Variants in ADAM23 observed in about 807,000 individuals in gnomAD.
ADAM23 encodes disintegrin and metalloproteinase domain-containing protein 23.
In ADAM23, 33 loss-of-function variants were observed where a neutral mutation model predicts 120.1. The ratio of observed to expected loss-of-function variants is 0.27; its 90% CI spans 0.21 to 0.37. The LOEUF is 0.37. Ranked by LOEUF, ADAM23 falls within the 10% of genes least tolerant of loss-of-function variation. The pLI, the probability that ADAM23 is intolerant of heterozygous loss-of-function variation, is 1.00. For synonymous variants in ADAM23, 367 were observed against 375.2 expected (o/e 0.98, Z 0.25); for missense variants, 862 against 1,058.2 (o/e 0.81, Z 2.57).
chr2:206,607,170 A>T (rs976692537), intron 24 of ADAM23: 4 of 152,212 alleles, frequency 2.6e-5, no homozygotes, highest in Non-Finnish European at 5.9e-5. Flanking sequence ...ATCTCTATGG[A>T]CTGTGAAGCT....
rs993015884 is a variant in ADAM23 at position 206,619,376 on chromosome 2, A to T, written c.*1749A>T. On this transcript the variant is annotated 3_prime_UTR_variant, in exon 26 of 26. Transcript: ENST00000264377. ...GTCAAGATAGCTTCTGTCACATGTT[A>T]AGTAAATAAGCTGAAGAAATTTGGT... 2 of 152,140 alleles carry T rather than the reference A, an allele frequency of 1.3e-5. No homozygotes were observed. Among genetic ancestry groups the T allele is most frequent in the African/African-American group, 4.8e-5 (2 of 41,420 alleles). The allele number at this position is 152,140 out of a possible 1,614,324, so 9.4% of individuals were successfully genotyped here.
intron 24 of ADAM23, among the ~76,000 whole-genome samples, chr2:206,598,009 C>T (rs927547194): frequency 9.2e-5 from 14 of 152,194 alleles, no homozygotes; most frequent in African/African-American, 3.4e-4. Flanking sequence ...TAATCACACC[C>T]TCACAGTCTA....
chr2:206,589,299 C>A, intron 20 of ADAM23, 110 bp from the exon 21 acceptor site: 1 of 822,630 alleles, frequency 1.2e-6, no homozygotes, highest in Middle Eastern at 2.8e-4. Flanking sequence ...TCAGGATGTT[C>A]TTTTTCCTTG....
intron 15 of ADAM23, among the ~76,000 whole-genome samples, chr2:206,569,785 G>T (rs149145914): frequency 1.3e-5 from 2 of 152,282 alleles, no homozygotes; most frequent in African/African-American, 4.8e-5. Flanking sequence ...TTTGCTTTTC[G>T]TAATAGTTTT....
intron 3 of ADAM23, among the ~76,000 whole-genome samples, chr2:206,520,557 T>G (rs977129976): frequency 2.0e-5 from 3 of 152,186 alleles, no homozygotes; most frequent in African/African-American, 7.2e-5. Flanking sequence ...CTCAGTATCT[T>G]CGGCCGTTAA....
At chr2:206,559,908 T>G in intron 10 of ADAM23, 47 bp from the exon 11 acceptor site, 1 of 1,550,268 alleles carries the variant, frequency 6.5e-7, no homozygotes, top group Non-Finnish European at 8.8e-7. Context: ...TCGTGCATGT[T>G]TGACCCAGTG....
At chr2:206,590,639 A>T (rs1251283113) in intron 21 of ADAM23, among the ~76,000 whole-genome samples, 1 of 152,202 alleles carries the variant, frequency 6.6e-6, no homozygotes, top group South Asian at 2.1e-4. Flanking sequence ...TTAGTCTTTG[A>T]TGATGGATGA....
At chr2:206,534,946 C>T (rs1016156191) in intron 4 of ADAM23, among the ~76,000 whole-genome samples, 3 of 151,292 alleles carry the variant, frequency 2.0e-5, no homozygotes, top group Non-Finnish European at 2.9e-5. Context: ...CAGCCAGTTC[C>T]TCCCTCCCTT....
At position 206,594,782 on chromosome 2, in the gene ADAM23, A is replaced by G; in HGVS notation, c.2124A>G (p.Val708=). ...ATGATGATACGGATGTGGGCTATGT[A>G]GAAGATGGAACGCCATGTGGCCCGT... ...VLDDDTDVGY[V]EDGTPCGPSM... The change falls in exon 23 of 26, where the codon GTA becomes GTG. Residue 708 remains valine (V), a synonymous_variant. Coordinates refer to ENST00000264377, the MANE Select transcript of ADAM23 (RefSeq NM_003812.4). 6.2e-7 allele frequency: 1 copy of G among 1,614,196 alleles called. No individual in the cohort carries two copies. The highest frequency in any genetic ancestry group is 1.1e-5 in the South Asian group (1 of 91,086).
chr2:206,492,708 A>G (rs1238772358), intron 3 of ADAM23, among the ~76,000 whole-genome samples: 1 of 151,974 alleles, frequency 6.6e-6, no homozygotes, highest in South Asian at 2.1e-4. Context: ...CTCATTGATC[A>G]TCTCATTAAT....
chr2:206,552,765 G>A (rs1227854717), intron 9 of ADAM23, among the ~76,000 whole-genome samples: 1 of 151,998 alleles, frequency 6.6e-6, no homozygotes, highest in Non-Finnish European at 1.5e-5. Flanking sequence ...CAGCTCAAGT[G>A]ATCCTCCCAT....
intron 2 of ADAM23, among the ~76,000 whole-genome samples, chr2:206,466,986 T>G (rs1172826818): frequency 1.4e-5 from 2 of 147,206 alleles, no homozygotes; most frequent in East Asian, 4.0e-4. Context: ...CCAGCTCTCA[T>G]GAGAACTCAC....
At chr2:206,538,797 G>A (rs937958039) in intron 4 of ADAM23, among the ~76,000 whole-genome samples, 1 of 152,170 alleles carries the variant, frequency 6.6e-6, no homozygotes, top group East Asian at 1.9e-4. Context: ...TTTTTATAGA[G>A]GCAGGGTCTT....
chr2:206,549,142 G>A (rs1474246370), intron 8 of ADAM23, among the ~76,000 whole-genome samples: 1 of 151,676 alleles, frequency 6.6e-6, no homozygotes, highest in African/African-American at 2.4e-5. Context: ...GCACATTTTA[G>A]ATAATGTTTT....
At chr2:206,528,448 G>A (rs902890929) in intron 3 of ADAM23, among the ~76,000 whole-genome samples, 1 of 152,164 alleles carries the variant, frequency 6.6e-6, no homozygotes, top group African/African-American at 2.4e-5. Flanking sequence ...CATTTGGTTT[G>A]TGATTTTAAT....
At chr2:206,477,903 T>A (rs867546133) in intron 2 of ADAM23, among the ~76,000 whole-genome samples, 39 of 135,512 alleles carry the variant, frequency 2.9e-4, no homozygotes, top group East Asian at 1.4e-3. Flanking sequence ...AAAAAATATA[T>A]ATATATATAT....
At chr2:206,502,272 G>C (rs1304102141) in intron 3 of ADAM23, among the ~76,000 whole-genome samples, 1 of 152,070 alleles carries the variant, frequency 6.6e-6, no homozygotes, top group Non-Finnish European at 1.5e-5. Flanking sequence ...ACCTTTTGAT[G>C]ATTTTACCTA....
At chr2:206,608,638 C>G (rs1313224343) in intron 24 of ADAM23, among the ~76,000 whole-genome samples, 1 of 151,930 alleles carries the variant, frequency 6.6e-6, no homozygotes, top group African/African-American at 2.4e-5. Context: ...AGTGGTTAGT[C>G]TTAAGAGCAT....
chr2:206,620,468 A>G lies in ADAM23; in HGVS notation c.*2841A>G, dbSNP rs1351409019. ...GATGGTATTAGGTTATGTAGTTTCA[A>G]ACTCTTTGCTGTATTTTGTTTTGCA... is the stretch of plus-strand genomic sequence containing the variant. On this transcript the variant is annotated 3_prime_UTR_variant, in exon 26 of 26. Coordinates refer to ENST00000264377, the MANE Select transcript of ADAM23 (RefSeq NM_003812.4). 6.6e-6 allele frequency: 1 copy of G among 152,196 alleles called. No homozygotes were observed. The highest frequency in any genetic ancestry group is 1.5e-5 in the Non-Finnish European group (1 of 68,028). The allele number at this position is 152,196 out of a possible 1,614,324, so 9.4% of individuals were successfully genotyped here.
Sources: allele counts gnomAD v4.1 joint callset (sites outside exome capture counted in the v4.1 genomes callset), GRCh38; gene constraint gnomAD v4.1.1; transcripts MANE v1.5; gene names NCBI Gene and HGNC (gene_info 2026-07-23, HGNC 2026-07-21).